MEIS2: variants seen among roughly 807,000 people sequenced by gnomAD.
MEIS2 encodes the protein Meis homeobox 2.
MEIS2 carries 9 observed loss-of-function variants against 58.6 expected under a neutral mutation model. The ratio of observed to expected loss-of-function variants is 0.15; its 90% CI spans 0.09 to 0.27. The LOEUF (loss-of-function observed/expected upper bound fraction) is 0.27, where lower values mean the gene tolerates loss of function less well. Ranked by LOEUF, MEIS2 falls within the 10% of genes least tolerant of loss-of-function variation. The pLI is 1.00. For synonymous variants in MEIS2, 221 were observed against 228.4 expected, an observed-to-expected ratio of 0.97 and a Z score of 0.29; for missense variants, 427 against 635.0, an observed-to-expected ratio of 0.67 and a Z score of 3.52.
At chr15:36,900,759 G>T (rs528189112) in intron 9 of MEIS2, among the ~76,000 whole-genome samples, 2 of 152,310 alleles carry the variant, frequency 1.3e-5, no homozygotes, top group South Asian at 4.1e-4. Flanking sequence ...TGACCATCAT[G>T]ATTTTTCTTT....
intron 7 of MEIS2, among the ~76,000 whole-genome samples, chr15:37,065,062 T>A (rs1889732823): frequency 6.6e-6 from 1 of 152,194 alleles, no homozygotes; most frequent in African/African-American, 2.4e-5. Flanking sequence ...ATGTAATATT[T>A]TTCAGAAGTT....
intron 8 of MEIS2, among the ~76,000 whole-genome samples, chr15:37,035,584 A>G (rs1358200298): frequency 6.6e-6 from 1 of 152,204 alleles, no homozygotes; most frequent in African/African-American, 2.4e-5. Context: ...TGAAATGGCC[A>G]TAGCTGCAAG....
intron 9 of MEIS2, among the ~76,000 whole-genome samples, chr15:36,939,402 G>T (rs1326241474): frequency 6.6e-6 from 1 of 152,210 alleles, no homozygotes; most frequent in Admixed American, 6.5e-5. Context: ...GGTCAGGGCT[G>T]TCACTCATAA....
intron 9 of MEIS2, among the ~76,000 whole-genome samples, chr15:36,921,834 A>G (rs941047323): frequency 1.3e-5 from 2 of 152,218 alleles, no homozygotes; most frequent in Admixed American, 6.5e-5. Context: ...AGGCTCGAGG[A>G]AGAGCAGCTA....
chr15:37,086,675 A>C (rs1204086159), intron 6 of MEIS2, among the ~76,000 whole-genome samples: 1 of 152,204 alleles, frequency 6.6e-6, no homozygotes, highest in African/African-American at 2.4e-5. Flanking sequence ...GAGACTGAAC[A>C]CCAACTAAGG....
intron 1 of MEIS2, chr15:37,099,043 C>T: frequency 1.0e-6 from 1 of 983,636 alleles, no homozygotes; most frequent in South Asian, 4.5e-5. Flanking sequence ...GGCTCCTACG[C>T]AGCCCGTGCC....
intron 9 of MEIS2, among the ~76,000 whole-genome samples, chr15:36,926,022 G>T (rs976337201): frequency 2.0e-5 from 3 of 151,896 alleles, no homozygotes; most frequent in African/African-American, 4.8e-5. Context: ...TTTTTCACAG[G>T]TTTTTTCCCT....
intron 9 of MEIS2, among the ~76,000 whole-genome samples, chr15:36,938,984 C>T (rs760320920): frequency 3.9e-5 from 6 of 152,208 alleles, no homozygotes; most frequent in Admixed American, 2.0e-4. Flanking sequence ...CAGCCTTTCT[C>T]ACTGGACCTC....
At chr15:37,075,263 T>C (rs1445862836) in intron 7 of MEIS2, among the ~76,000 whole-genome samples, 4 of 152,148 alleles carry the variant, frequency 2.6e-5, no homozygotes, top group South Asian at 2.1e-4. Flanking sequence ...ATGCACATAA[T>C]ATAAGACATT....
In MEIS2 at chr15:37,093,692, A is replaced by G; in HGVS notation, c.528T>C (p.Ile176=). 1 of 1,614,154 alleles carries G rather than the reference A, an allele frequency of 6.2e-7. No homozygotes were observed. Among genetic ancestry groups the G allele is most frequent in the Admixed American group, 1.7e-5 (1 of 60,016 alleles). Residue 176 remains isoleucine (I), a synonymous_variant, in exon 6 of 12, where the codon ATT becomes ATC. Transcript: ENST00000561208. ...TGGGCATTTTCCCCTTCAAACAGCT[A>G]ATGTATCGGTGGCAGAAGTTATCGC... ...ELCDNFCHRY[I]SCLKGKMPID...
In MEIS2 at chr15:36,895,166, C is replaced by T; in HGVS notation, c.1132G>A (p.Gly378Arg). 1 of 1,613,988 alleles carries T rather than the reference C, an allele frequency of 6.2e-7. No individual in the cohort carries two copies. The highest frequency in any genetic ancestry group is 8.5e-7 in the Non-Finnish European group (1 of 1,180,018). ...SFVLDGQQHMGIRPAGLQSMP... is the reference protein window; with the variant it reads ...SFVLDGQQHMRIRPAGLQSMP... ...GCCAACCTACCTGCAGGCCGGATCC[C>T]CATGTGTTGCTGACCATCCAACACA... Residue 378 changes from glycine (G) to arginine (R), a missense_variant, in exon 11 of 12, where the codon GGG (glycine) becomes AGG (arginine). Around this residue, in one of 6 missense-constraint regions of MEIS2, gnomAD observed 154 missense variants for 148.1 expected, o/e 1.04. Transcript: ENST00000561208.
intron 8 of MEIS2, among the ~76,000 whole-genome samples, chr15:36,969,136 T>C (rs2141457053): frequency 6.6e-6 from 1 of 152,346 alleles, no homozygotes; most frequent in South Asian, 2.1e-4. Flanking sequence ...TGGGACATTG[T>C]TGTATTTCTT....
intron 8 of MEIS2, among the ~76,000 whole-genome samples, chr15:36,964,242 G>A (rs981314499): frequency 2.6e-5 from 4 of 152,206 alleles, no homozygotes; most frequent in African/African-American, 9.6e-5. Context: ...ATAAGCACTT[G>A]GATTTTCTCT....
intron 9 of MEIS2, among the ~76,000 whole-genome samples, chr15:36,949,987 A>G (rs549082437): frequency 1.3e-5 from 2 of 152,080 alleles, no homozygotes; most frequent in South Asian, 4.1e-4. Flanking sequence ...CGGAGTGACT[A>G]CTTTCAATAG....
chr15:36,911,876 T>C (rs1238464457), intron 9 of MEIS2, among the ~76,000 whole-genome samples: 2 of 152,182 alleles, frequency 1.3e-5, no homozygotes, highest in Non-Finnish European at 2.9e-5. Context: ...CTGTGAAGAA[T>C]TGGCAAAGCA....
chr15:36,931,054 T>C (rs2057958055), intron 9 of MEIS2, among the ~76,000 whole-genome samples: 1 of 152,216 alleles, frequency 6.6e-6, no homozygotes, highest in South Asian at 2.1e-4. Context: ...ATTCCTAATG[T>C]CTATGTTTGA....
At chr15:36,972,293 A>G (rs1374615940) in intron 8 of MEIS2, among the ~76,000 whole-genome samples, 2 of 152,236 alleles carry the variant, frequency 1.3e-5, no homozygotes, top group African/African-American at 4.8e-5. Flanking sequence ...CATCCTGACT[A>G]GCTGGTGAGC....
At chr15:37,054,067 G>A (rs746054554) in intron 7 of MEIS2, among the ~76,000 whole-genome samples, 10 of 152,174 alleles carry the variant, frequency 6.6e-5, no homozygotes, top group African/African-American at 1.4e-4. Flanking sequence ...TACTTATGGC[G>A]TATGATAATA....
chr15:36,978,192 A>C (rs2141494942), intron 8 of MEIS2, among the ~76,000 whole-genome samples: 2 of 152,328 alleles, frequency 1.3e-5, no homozygotes, highest in South Asian at 4.1e-4. Flanking sequence ...CAGGCCAATT[A>C]ATTTCCTTGG....
Sources: allele counts gnomAD v4.1 joint callset (sites outside exome capture counted in the v4.1 genomes callset), GRCh38; gene constraint gnomAD v4.1.1; regional missense constraint gnomAD v4.1.1; transcripts MANE v1.5; gene names NCBI Gene and HGNC (gene_info 2026-07-23, HGNC 2026-07-21).